SP100: variants seen among roughly 807,000 people sequenced by gnomAD.
The protein encoded by SP100 is SP100 nuclear body protein, also known as nuclear autoantigen Sp-100.
Under a neutral mutation model 130.0 loss-of-function variants are expected in SP100, and 84 were observed. The observed-to-expected ratio is 0.65, with a 90% CI of 0.54 to 0.77. The LOEUF (loss-of-function observed/expected upper bound fraction) is 0.77. Ranked by LOEUF, SP100 falls within the 30% of genes least tolerant of loss-of-function variation. The probability of loss-of-function intolerance (pLI) is 0.00; values close to 1 mark genes in which losing one functional copy is unlikely to be tolerated. For missense variants in SP100, 978 were observed against 1,052.2 expected (o/e 0.93, Z 0.97); for synonymous variants, 331 against 351.7 (o/e 0.94, Z 0.66).
At chr2:230,533,769 C>G (rs1027630560) in intron 24 of SP100, among the ~76,000 whole-genome samples, 16 of 152,158 alleles carry the variant, frequency 1.1e-4, no homozygotes, top group Non-Finnish European at 2.2e-4. Context: ...AGGCCAGAGT[C>G]TAGGCCCATG....
chr2:230,421,760 C>G (rs1253231270), intron 2 of SP100, among the ~76,000 whole-genome samples: 1 of 152,044 alleles, frequency 6.6e-6, no homozygotes, highest in Non-Finnish European at 1.5e-5. Context: ...TTTTGCCTGT[C>G]TGAAATTTTC....
At chr2:230,448,777 G>A (rs762869565) in intron 5 of SP100, among the ~76,000 whole-genome samples, 35 of 152,152 alleles carry the variant, frequency 2.3e-4, no homozygotes, top group Non-Finnish European at 4.7e-4. Context: ...CCTGGGCAGG[G>A]TAGCTCTGGG....
intron 13 of SP100, among the ~76,000 whole-genome samples, chr2:230,468,338 T>C (rs2219811): frequency 0.87 from 132,023 of 152,220 alleles, 57,980 homozygotes; most frequent in African/African-American, 0.96. Flanking sequence ...CAAAATACCC[T>C]AGTAGGATCC....
At chr2:230,524,320 C>T (rs1421780011) in intron 24 of SP100, among the ~76,000 whole-genome samples, 1 of 135,902 alleles carries the variant, frequency 7.4e-6, no homozygotes, top group Non-Finnish European at 1.5e-5. Context: ...CGCACCATTG[C>T]ACTTCAGCCT....
chr2:230,503,682 G>A (rs1450723176), intron 20 of SP100, among the ~76,000 whole-genome samples: 1 of 152,046 alleles, frequency 6.6e-6, no homozygotes, highest in Non-Finnish European at 1.5e-5. Flanking sequence ...TTCCCTTTTA[G>A]CGTCGGAGAA....
intron 17 of SP100, among the ~76,000 whole-genome samples, chr2:230,493,469 G>A (rs889502014): frequency 3.3e-5 from 5 of 152,024 alleles, no homozygotes; most frequent in South Asian, 2.1e-4. Context: ...CACCTGCCTC[G>A]GCCTCCCAAA....
At chr2:230,514,180 A>G (rs1390495494) in intron 24 of SP100, among the ~76,000 whole-genome samples, 2 of 152,138 alleles carry the variant, frequency 1.3e-5, no homozygotes, top group Non-Finnish European at 2.9e-5. Flanking sequence ...TAGTCCTAAG[A>G]GTAACCAAAT....
chr2:230,525,710 T>G (rs1691389334), intron 24 of SP100, among the ~76,000 whole-genome samples: 1 of 152,218 alleles, frequency 6.6e-6, no homozygotes, highest in African/African-American at 2.4e-5. Context: ...TGACTTTTCC[T>G]GCAGTCTTAG....
At chr2:230,493,339 T>C (rs1473244991) in intron 17 of SP100, among the ~76,000 whole-genome samples, 1 of 152,158 alleles carries the variant, frequency 6.6e-6, no homozygotes, top group East Asian at 1.9e-4. Context: ...TGCCTCAACC[T>C]CCCAAGTAGC....
chr2:230,535,757 A>T (rs1691906538), intron 24 of SP100, among the ~76,000 whole-genome samples: 1 of 151,672 alleles, frequency 6.6e-6, no homozygotes, highest in South Asian at 2.1e-4. Flanking sequence ...AAATACAAAA[A>T]TTAGCCAGGA....
intron 5 of SP100, among the ~76,000 whole-genome samples, chr2:230,447,354 A>G (rs1044037042): frequency 1.2e-4 from 18 of 152,154 alleles, no homozygotes; most frequent in African/African-American, 3.4e-4. Context: ...CAGTTCTCCA[A>G]TTCTCTGTAG....
chr2:230,440,885 T>C (rs2149897138), intron 2 of SP100, among the ~76,000 whole-genome samples: 1 of 152,272 alleles, frequency 6.6e-6, no homozygotes, highest in Non-Finnish European at 1.5e-5. Flanking sequence ...GTAAATTGTT[T>C]TTTGAATATT....
intron 4 of SP100, among the ~76,000 whole-genome samples, chr2:230,445,317 G>T (rs1346827070): frequency 6.6e-6 from 1 of 152,192 alleles, no homozygotes; most frequent in African/African-American, 2.4e-5. Flanking sequence ...ATGGGCACAT[G>T]CTCTGAAGAT....
At chr2:230,512,365 C>G (rs989164798) in intron 24 of SP100, among the ~76,000 whole-genome samples, 51 of 137,456 alleles carry the variant, frequency 3.7e-4, no homozygotes, top group African/African-American at 1.3e-3. Flanking sequence ...TCTTGCCTCA[C>G]TGCAACCTCT....
At chr2:230,483,570 C>T (rs371831758) in intron 17 of SP100, among the ~76,000 whole-genome samples, 97 of 152,214 alleles carry the variant, frequency 6.4e-4, no homozygotes, top group African/African-American at 1.9e-3. Flanking sequence ...TGAGAACTTC[C>T]TCTGGATTCT....
intron 28 of SP100, 35 bp downstream of exon 28, chr2:230,542,070 A>G (rs1182384804): frequency 1.2e-6 from 2 of 1,607,428 alleles, no homozygotes; most frequent in Non-Finnish European, 1.7e-6. Flanking sequence ...TTCTCTTTCA[A>G]TTACATCACT....
intron 13 of SP100, among the ~76,000 whole-genome samples, chr2:230,468,071 T>C (rs1223219983): frequency 6.6e-6 from 1 of 152,210 alleles, no homozygotes; most frequent in African/African-American, 2.4e-5. Context: ...TACTTGCATC[T>C]TTACAACAAC....
intron 18 of SP100, among the ~76,000 whole-genome samples, chr2:230,497,803 A>G (rs1273369320): frequency 6.6e-6 from 1 of 152,046 alleles, no homozygotes; most frequent in Non-Finnish European, 1.5e-5. Context: ...CCCTTGGACA[A>G]TAATCTCTTG....
At chr2:230,480,064 C>T (rs760966113) in intron 17 of SP100, among the ~76,000 whole-genome samples, 15 of 152,294 alleles carry the variant, frequency 9.8e-5, no homozygotes, top group Non-Finnish European at 1.9e-4. Context: ...CCCCATTCAC[C>T]ACTCCCTGAA....
Sources: gnomAD v4.1 joint callset for allele counts (sites outside exome capture counted in the v4.1 genomes callset) on GRCh38, gnomAD v4.1.1 for gene constraint, MANE v1.5 for transcripts, NCBI Gene and HGNC (gene_info 2026-07-23, HGNC 2026-07-21) for gene names.